Variants in NTM observed in about 807,000 individuals in gnomAD.
NTM encodes IgLON family member 2.
A neutral mutation model predicts 42.1 loss-of-function variants in NTM; 13 were observed. The ratio of observed to expected loss-of-function variants is 0.31; its 90% confidence interval spans 0.20 to 0.49. NTM has a LOEUF of 0.49. Ranked by LOEUF, NTM falls within the 20% of genes least tolerant of loss-of-function variation. NTM has a pLI of 0.99. For synonymous variants in NTM, 187 were observed against 179.2 expected (o/e 1.04, Z -0.35); for missense variants, 373 against 452.8 (o/e 0.82, Z 1.60).
intron 1 of NTM, among the ~76,000 whole-genome samples, chr11:131,780,463 C>G: frequency 6.6e-6 from 1 of 152,030 alleles, no homozygotes; most frequent in East Asian, 1.9e-4. Flanking sequence ...GCCTGTAGGA[C>G]TGAGGTAAGA....
rs376180011 is a variant in NTM at position 131,712,811 on chromosome 11, G to A, written c.83-198753G>A. Among the ~76,000 whole-genome samples, 46 of 152,020 alleles carry A rather than the reference G, an allele frequency of 3.0e-4. 2 individuals carry two copies. In the East Asian group the frequency reaches 3.5e-3, roughly 12 times the overall value. On this transcript the variant is annotated intron_variant, in intron 1 of 8. Transcript: ENST00000683400. ...GTTGCCCAGTACGTCTCAAACTCCTGAGTTCAAACAATCCACCCACCTCAG... is the reference window on the plus strand; with the variant it reads ...GTTGCCCAGTACGTCTCAAACTCCTAAGTTCAAACAATCCACCCACCTCAG...
At chr11:131,816,830 G>C (rs566804529) in intron 1 of NTM, among the ~76,000 whole-genome samples, 1 of 127,948 alleles carries the variant, frequency 7.8e-6, no homozygotes, top group Admixed American at 8.6e-5. Flanking sequence ...TAGGTCAAGG[G>C]TCCATACTTA....
At chr11:131,853,182 A>T (rs2045761873) in intron 1 of NTM, among the ~76,000 whole-genome samples, 1 of 151,962 alleles carries the variant, frequency 6.6e-6, no homozygotes, top group African/African-American at 2.4e-5. Flanking sequence ...TCTTCCTTTA[A>T]TGAGAATATG....
intron 1 of NTM, among the ~76,000 whole-genome samples, chr11:131,432,499 T>A (rs1948731715): frequency 6.6e-6 from 1 of 152,154 alleles, no homozygotes; most frequent in African/African-American, 2.4e-5. Context: ...CCTGGTTAAG[T>A]CTGGCTAATG....
chr11:131,595,679 T>G (rs1179561062), intron 1 of NTM, among the ~76,000 whole-genome samples: 1 of 152,214 alleles, frequency 6.6e-6, no homozygotes, highest in East Asian at 1.9e-4. Flanking sequence ...GGATGGGCTG[T>G]GTACAGATGA....
chr11:132,199,895 T>C (rs1355208476), intron 3 of NTM, among the ~76,000 whole-genome samples: 3 of 151,990 alleles, frequency 2.0e-5, no homozygotes, highest in African/African-American at 4.8e-5. Context: ...AGGAATCTAA[T>C]AAAGACATTC....
At chr11:132,092,983 C>T (rs531337709) in intron 2 of NTM, among the ~76,000 whole-genome samples, 1 of 152,202 alleles carries the variant, frequency 6.6e-6, no homozygotes. Context: ...TGGCCCTGAT[C>T]CAATTCATTC....
rs2070474248 is a variant in NTM at position 132,146,617 on chromosome 11, T to C, written c.400+103T>C. The C allele has an allele frequency of 1.1e-5, 13 of 1,227,690 alleles. No individual in the cohort carries two copies. In the South Asian group the frequency reaches 1.8e-4, roughly 17 times the overall value. 76.0% of individuals were successfully genotyped at this position (1,227,690 alleles called of 1,614,324 possible). On this transcript the variant is annotated intron_variant, in intron 3 of 8. Transcript: ENST00000683400. The surrounding 1 kb of genome is among the most constrained non-coding windows in gnomAD (Gnocchi z 4.5). ...CTCAACAGAGATGAGTTATCCTTATTCTACGCATCTGGGGTCCAGGGCACA... is the reference window on the plus strand; with the variant it reads ...CTCAACAGAGATGAGTTATCCTTATCCTACGCATCTGGGGTCCAGGGCACA...
At chr11:131,647,286 A>T (rs1204206112) in intron 1 of NTM, among the ~76,000 whole-genome samples, 1 of 152,246 alleles carries the variant, frequency 6.6e-6, no homozygotes, top group Admixed American at 6.5e-5. Flanking sequence ...TTCAGACTTG[A>T]AAGTCGCACC....
intron 2 of NTM, among the ~76,000 whole-genome samples, chr11:131,946,208 G>A (rs553856954): frequency 4.6e-5 from 7 of 152,008 alleles, no homozygotes; most frequent in African/African-American, 1.7e-4. Flanking sequence ...GGGAGATGGG[G>A]AGACGTGGGG....
chr11:131,713,630 T>G (rs1002040015), intron 1 of NTM, among the ~76,000 whole-genome samples: 5 of 152,188 alleles, frequency 3.3e-5, no homozygotes, highest in Admixed American at 3.3e-4. Flanking sequence ...AATCATATCA[T>G]TTTTCCTCTG....
intron 3 of NTM, among the ~76,000 whole-genome samples, chr11:132,159,926 A>G (rs1162036110): frequency 6.6e-6 from 1 of 152,210 alleles, no homozygotes; most frequent in African/African-American, 2.4e-5. Flanking sequence ...CAAATAGGTG[A>G]GCAGGCCTGT....
chr11:131,650,964 G>A (rs2066408531), intron 1 of NTM, among the ~76,000 whole-genome samples: 1 of 152,062 alleles, frequency 6.6e-6, no homozygotes, highest in Non-Finnish European at 1.5e-5. Flanking sequence ...TTAATCTATT[G>A]ACCAAGATTT....
intron 2 of NTM, among the ~76,000 whole-genome samples, chr11:132,121,988 A>G (rs2064912996): frequency 6.6e-6 from 1 of 152,192 alleles, no homozygotes; most frequent in Admixed American, 6.5e-5. Flanking sequence ...CCTAGACACC[A>G]TGGGCTGGCA....
rs901965193 is a variant in NTM, at chr11:131,758,575, T to C, written c.83-152989T>C. Reference sequence around the variant, plus strand: ...TTTCTTCTTTCTTTCCTTCCTTCCTTCCTTTTTTTCTTTCTTTCTTTCTTT... The same window carrying C: ...TTTCTTCTTTCTTTCCTTCCTTCCTCCCTTTTTTTCTTTCTTTCTTTCTTT... On this transcript the variant is annotated intron_variant, in intron 1 of 8. Transcript: ENST00000683400. Among the ~76,000 whole-genome samples the C allele has an allele frequency of 4.6e-5, 7 of 151,964 alleles. No individual in the cohort carries two copies. In the East Asian group the frequency reaches 1.2e-3, roughly 25 times the overall value.
chr11:131,406,823 A>G (rs1315307113), intron 1 of NTM, among the ~76,000 whole-genome samples: 1 of 152,188 alleles, frequency 6.6e-6, no homozygotes, highest in Non-Finnish European at 1.5e-5. Flanking sequence ...AAGTGGATAA[A>G]AGCTCTTTCC....
intron 3 of NTM, among the ~76,000 whole-genome samples, chr11:132,193,532 A>G (rs1048168378): frequency 7.9e-5 from 12 of 152,156 alleles, no homozygotes; most frequent in Non-Finnish European, 1.0e-4. Context: ...AGGAAAGTTT[A>G]TAGTGCTAAA....
chr11:131,643,433 A>G (rs1002089084), intron 1 of NTM, among the ~76,000 whole-genome samples: 56 of 152,292 alleles, frequency 3.7e-4, no homozygotes, highest in African/African-American at 1.3e-3. Flanking sequence ...ATGTCAGTAG[A>G]AGACCCAGGG....
chr11:131,789,636 AAAGAAGAAG>A (rs374898394), intron 1 of NTM, among the ~76,000 whole-genome samples: 897 of 30,868 alleles, frequency 0.029, 101 homozygotes, highest in Admixed American at 0.21. Context: ...AAGAAGAAGA[AAAGAAGAAG>A]AAGAAGAAGA....
Sources: allele counts gnomAD v4.1 joint callset (sites outside exome capture counted in the v4.1 genomes callset), GRCh38; gene constraint gnomAD v4.1.1; non-coding constraint Gnocchi (gnomAD v3.1); transcripts MANE v1.5; gene names NCBI Gene and HGNC (gene_info 2026-07-23, HGNC 2026-07-21).